The following CERS3 variants were observed in gnomAD, a reference collection of about 807,000 sequenced individuals.
CERS3 encodes LAG1 homolog, ceramide synthase 3.
A neutral mutation model predicts 50.3 loss-of-function variants in CERS3; 33 were observed. The observed-to-expected ratio is 0.66, with a 90% CI of 0.50 to 0.88. The LOEUF (loss-of-function observed/expected upper bound fraction) is 0.88, where lower values mean the gene tolerates loss of function less well. Ranked by LOEUF, CERS3 falls within the 40% of genes least tolerant of loss-of-function variation. The pLI, the probability that CERS3 is intolerant of heterozygous loss-of-function variation, is 0.00. For missense variants in CERS3, 470 were observed against 460.3 expected (o/e 1.02, Z -0.19); for synonymous variants, 176 against 155.2 (o/e 1.13, Z -0.99).
At chr15:100,454,803 T>C (rs1381719469) in intron 11 of CERS3, among the ~76,000 whole-genome samples, 1 of 152,112 alleles carries the variant, frequency 6.6e-6, no homozygotes, top group African/African-American at 2.4e-5. Context: ...GAGAAAATAT[T>C]TGCAAATCCT....
chr15:100,515,307 G>A (rs2036459409), intron 2 of CERS3, among the ~76,000 whole-genome samples: 1 of 152,176 alleles, frequency 6.6e-6, no homozygotes, highest in Non-Finnish European at 1.5e-5. Context: ...AAAATACAAA[G>A]TGTACTCCCT....
At chr15:100,533,190 G>GCCTC (rs1018557976), upstream of CERS3, among the ~76,000 whole-genome samples, 2 of 152,254 alleles carry the variant, frequency 1.3e-5, no homozygotes, top group African/African-American at 4.8e-5. Flanking sequence ...TCACCTGGGG[G>GCCTC]CCTCCCTCCC....
intron 1 of CERS3, among the ~76,000 whole-genome samples, chr15:100,526,347 G>A (rs1226818841): frequency 1.3e-5 from 2 of 152,180 alleles, no homozygotes; most frequent in Non-Finnish European, 2.9e-5. Flanking sequence ...CAGTTGCCAC[G>A]ATACACTCCG....
intron 7 of CERS3, 47 bp downstream of exon 7, chr15:100,479,381 G>T: frequency 7.3e-7 from 1 of 1,377,532 alleles, no homozygotes; most frequent in Non-Finnish European, 1.0e-6. Flanking sequence ...TAATTTGAGG[G>T]ATCTTGGTGT....
intron 11 of CERS3, among the ~76,000 whole-genome samples, chr15:100,417,102 C>T (rs2031973455): frequency 6.6e-6 from 1 of 152,172 alleles, no homozygotes; most frequent in Admixed American, 6.5e-5. Context: ...ATAGGAACAG[C>T]TCTGGTCTAC....
rs1308693577 is a variant in CERS3, at chr15:100,407,591, T to C, written c.1000-4726A>G. Among the ~76,000 whole-genome samples the C allele has an allele frequency of 2.0e-5, 3 of 152,240 alleles. No homozygotes were observed. The East Asian group carries it at 5.8e-4, about 29-fold the overall frequency. On this transcript the variant is annotated intron_variant, in intron 11 of 11. Transcript: ENST00000679737. ...ATTCTGAATTTTCCAGGATTGCAAC[T>C]GCGTATATAAGTCAAAGTAAGACTA...
chr15:100,464,845 C>G (rs948370865), intron 10 of CERS3, among the ~76,000 whole-genome samples: 1 of 152,120 alleles, frequency 6.6e-6, no homozygotes, highest in African/African-American at 2.4e-5. Context: ...GAATTTCTGC[C>G]TAATGTTAAT....
At chr15:100,512,587 G>A (rs899943512) in intron 2 of CERS3, among the ~76,000 whole-genome samples, 4 of 152,170 alleles carry the variant, frequency 2.6e-5, no homozygotes, top group Non-Finnish European at 5.9e-5. Flanking sequence ...TTCCTTGGGT[G>A]CTCAATATCC....
intron 11 of CERS3, among the ~76,000 whole-genome samples, chr15:100,444,200 A>G (rs1477542882): frequency 2.0e-5 from 3 of 152,078 alleles, no homozygotes; most frequent in East Asian, 1.9e-4. Flanking sequence ...ATCACAAACT[A>G]TGCTCAACTC....
chr15:100,501,672 C>G lies in CERS3; in HGVS notation c.173+5G>C. On this transcript the variant is annotated splice_donor_5th_base_variant and intron_variant, in intron 3 of 11. Coordinates refer to ENST00000679737, the MANE Select transcript of CERS3 (RefSeq NM_001378789.1). ...ATGGGAAGGAAAGACACAAGTACTA[C>G]TTACTTTTCAAATACACGTCTGATA... is the stretch of plus-strand genomic sequence containing the variant. 15 of 1,607,900 alleles carry G rather than the reference C, an allele frequency of 9.3e-6. No individual in the cohort carries two copies. The highest frequency in any genetic ancestry group is 1.3e-5 in the Non-Finnish European group (15 of 1,174,472).
intron 11 of CERS3, among the ~76,000 whole-genome samples, chr15:100,450,304 G>T (rs1348231633): frequency 2.6e-5 from 4 of 150,962 alleles, no homozygotes; most frequent in African/African-American, 9.7e-5. Flanking sequence ...GGTAGTCCCA[G>T]CTACTCAGGA....
intron 9 of CERS3, among the ~76,000 whole-genome samples, chr15:100,471,412 G>A (rs1480934424): frequency 1.3e-5 from 2 of 152,138 alleles, no homozygotes; most frequent in African/African-American, 2.4e-5. Context: ...TGAAAGGGTG[G>A]GGAGGGTGGC....
intron 2 of CERS3, chr15:100,503,866 G>C (rs2036084980): frequency 2.4e-6 from 1 of 415,938 alleles, no homozygotes; most frequent in Non-Finnish European, 4.9e-6. Context: ...ATGCAAATCG[G>C]GTAGAGGATA....
chr15:100,531,133 T>C (rs138662996), upstream of CERS3, among the ~76,000 whole-genome samples: 6 of 152,266 alleles, frequency 3.9e-5, no homozygotes, highest in African/African-American at 1.4e-4. Flanking sequence ...TAGAACCACA[T>C]GTTTTCATGC....
chr15:100,435,865 T>C lies in CERS3; in HGVS notation c.999+20028A>G, dbSNP rs185599445. ...AGACATCTGTGTGGCCAACAAACAT[T>C]TGAAAAAGAGCTCATCATCACTGGT... On this transcript the variant is annotated intron_variant, in intron 11 of 11. Transcript: ENST00000679737. Among the ~76,000 whole-genome samples, 928 of 152,194 alleles carry C rather than the reference T, an allele frequency of 6.1e-3. 3 individuals carry two copies. The highest frequency in any genetic ancestry group is 0.011 in the Non-Finnish European group (732 of 68,000).
intron 1 of CERS3, among the ~76,000 whole-genome samples, chr15:100,526,376 A>C (rs1029850057): frequency 6.6e-5 from 10 of 152,032 alleles, no homozygotes; most frequent in Non-Finnish European, 1.5e-4. Flanking sequence ...GAGCGGAGGG[A>C]GCTCCCTTGG....
rs2035253939 is a variant in CERS3 at position 100,480,107 on chromosome 15, A to G, written c.408-61T>C. 30 of 1,205,456 alleles carry G rather than the reference A, an allele frequency of 2.5e-5. No individual in the cohort carries two copies. In the South Asian group the frequency reaches 3.6e-4, roughly 15 times the overall value. 74.7% of individuals were successfully genotyped at this position (1,205,456 alleles called of 1,614,324 possible). On this transcript the variant is annotated intron_variant, in intron 5 of 11. Transcript: ENST00000679737. ...AAGGTAACTGAGATTTGAGGAGAAA[A>G]TGATTAGGTATGGCAGATTTTACAA... is the stretch of plus-strand genomic sequence containing the variant.
chr15:100,448,306 C>T (rs1245326258), intron 11 of CERS3, among the ~76,000 whole-genome samples: 1 of 152,100 alleles, frequency 6.6e-6, no homozygotes, highest in African/African-American at 2.4e-5. Context: ...TAGAATTCAA[C>T]AGAGAAGTGA....
chr15:100,409,971 C>G (rs917841226), intron 11 of CERS3, among the ~76,000 whole-genome samples: 1 of 152,196 alleles, frequency 6.6e-6, no homozygotes, highest in African/African-American at 2.4e-5. Flanking sequence ...CGCCTGTCAT[C>G]TGCCAGAGTG....
Sources: gnomAD v4.1 joint callset for allele counts (sites outside exome capture counted in the v4.1 genomes callset) on GRCh38, gnomAD v4.1.1 for gene constraint, MANE v1.5 for transcripts, NCBI Gene and HGNC (gene_info 2026-07-23, HGNC 2026-07-21) for gene names.